The following SLC16A7 variants were observed in gnomAD, a reference collection of about 807,000 sequenced individuals.
SLC16A7 encodes solute carrier family 16 member 7, also known as monocarboxylate transporter 2.
SLC16A7 carries 33 observed loss-of-function variants against 34.9 expected under a neutral mutation model. That is an observed-to-expected ratio of 0.94 (90% CI 0.72 to 1.26). The LOEUF (loss-of-function observed/expected upper bound fraction) is 1.26. Among genes scored for constraint, SLC16A7 ranks in the 50% most tolerant of loss-of-function variants. SLC16A7 has a pLI of 0.00. For missense variants in SLC16A7, 573 were observed against 578.1 expected, an observed-to-expected ratio of 0.99 and a Z score of 0.09; for synonymous variants, 201 against 206.6, an observed-to-expected ratio of 0.97 and a Z score of 0.23.
At chr12:59,599,497 AAAAG>A in intron 1 of SLC16A7, among the ~76,000 whole-genome samples, 1 of 152,330 alleles carries the variant, frequency 6.6e-6, no homozygotes, top group East Asian at 1.9e-4. Context: ...CCAGGAAAAA[AAAAG>A]AAGGAAGAAA....
At chr12:59,771,918 G>A (rs1334372046) in intron 4 of SLC16A7, among the ~76,000 whole-genome samples, 1 of 152,092 alleles carries the variant, frequency 6.6e-6, no homozygotes, top group African/African-American at 2.4e-5. Context: ...AAAGCTCAGT[G>A]AGCCACACTT....
chr12:59,722,546 A>G (rs1875732585), intron 3 of SLC16A7, among the ~76,000 whole-genome samples: 1 of 151,410 alleles, frequency 6.6e-6, no homozygotes, highest in Admixed American at 6.6e-5. Flanking sequence ...CCTTTTGCTC[A>G]CTCTGCTTTA....
At chr12:59,731,723 A>C (rs1876974717) in intron 3 of SLC16A7, among the ~76,000 whole-genome samples, 1 of 152,190 alleles carries the variant, frequency 6.6e-6, no homozygotes, top group Non-Finnish European at 1.5e-5. Context: ...CATTTGGCCC[A>C]CACCAACAAG....
intron 2 of SLC16A7, among the ~76,000 whole-genome samples, chr12:59,700,184 T>C (rs1872719995): frequency 6.6e-6 from 1 of 151,740 alleles, no homozygotes; most frequent in East Asian, 1.9e-4. Context: ...AGGTTTTGTA[T>C]TGATTGGTTG....
chr12:59,789,496 A>G lies in SLC16A7; in HGVS notation c.*9817A>G, dbSNP rs1204602624. 6.6e-6 allele frequency: 1 copy of G among 152,162 alleles called. No individual in the cohort carries two copies. Among genetic ancestry groups the G allele is most frequent in the African/African-American group, 2.4e-5 (1 of 41,446 alleles). The allele number at this position is 152,162 out of a possible 1,614,324, so 9.4% of individuals were successfully genotyped here. ...ATTTAAGCTTCCTGGAAATGTCGAC[A>G]ATCATTTTAATGACCAAAGGTGCTA... On this transcript the variant is annotated 3_prime_UTR_variant, in exon 6 of 6. Transcript: ENST00000547379.
intron 3 of SLC16A7, among the ~76,000 whole-genome samples, chr12:59,755,036 G>A (rs370443894): frequency 6.6e-6 from 1 of 152,178 alleles, no homozygotes; most frequent in African/African-American, 2.4e-5. Flanking sequence ...ATGTAGAAAA[G>A]GCCTTTGACA....
At chr12:59,611,919 G>A (rs1879212174) in intron 1 of SLC16A7, among the ~76,000 whole-genome samples, 1 of 152,212 alleles carries the variant, frequency 6.6e-6, no homozygotes, top group African/African-American at 2.4e-5. Flanking sequence ...CTCACCTGTG[G>A]CTTTGCAGGA....
rs1883321589 is a variant in SLC16A7 at position 59,782,567 on chromosome 12, G to A, written c.*2888G>A. On this transcript the variant is annotated 3_prime_UTR_variant, in exon 6 of 6. Coordinates refer to ENST00000547379, the MANE Select transcript of SLC16A7 (RefSeq NM_001270623.2). Reference sequence around the variant, plus strand: ...CCACTAATCTCTATTCCCACATTATGAAATTGTACAGAAGAAAGGGTGTCA... The same window carrying A: ...CCACTAATCTCTATTCCCACATTATAAAATTGTACAGAAGAAAGGGTGTCA... The A allele has an allele frequency of 6.6e-6, 1 of 152,150 alleles. No individual in the cohort carries two copies. The highest frequency in any genetic ancestry group is 2.4e-5 in the African/African-American group (1 of 41,442). 9.4% of individuals were successfully genotyped at this position (152,150 alleles called of 1,614,324 possible).
intron 1 of SLC16A7, among the ~76,000 whole-genome samples, chr12:59,626,151 A>G (rs896639488): frequency 6.6e-6 from 1 of 151,844 alleles, no homozygotes; most frequent in African/African-American, 2.4e-5. Flanking sequence ...TATAGAAAAT[A>G]ATCTTAATTT....
intron 3 of SLC16A7, among the ~76,000 whole-genome samples, chr12:59,758,643 A>T (rs982215338): frequency 3.3e-5 from 5 of 152,142 alleles, no homozygotes; most frequent in Non-Finnish European, 5.9e-5. Flanking sequence ...GTTTATATGT[A>T]CATAATATGT....
rs1455609728 is a variant in SLC16A7 at position 59,788,879 on chromosome 12, T to C, written c.*9200T>C. The C allele has an allele frequency of 6.6e-6, 1 of 152,130 alleles. No individual in the cohort carries two copies. The highest frequency in any genetic ancestry group is 2.4e-5 in the African/African-American group (1 of 41,460). 9.4% of individuals were successfully genotyped at this position (152,130 alleles called of 1,614,324 possible). On this transcript the variant is annotated 3_prime_UTR_variant, in exon 6 of 6. Coordinates refer to ENST00000547379, the MANE Select transcript of SLC16A7 (RefSeq NM_001270623.2). ...TACGTTGTTGATCATTTTTAAAGTATATTTTGTTCAAATATTCCTAATTTG... is the reference window on the plus strand; with the variant it reads ...TACGTTGTTGATCATTTTTAAAGTACATTTTGTTCAAATATTCCTAATTTG...
intron 3 of SLC16A7, among the ~76,000 whole-genome samples, chr12:59,714,630 T>C (rs1874673711): frequency 6.6e-6 from 1 of 151,950 alleles, no homozygotes; most frequent in Non-Finnish European, 1.5e-5. Flanking sequence ...AGTGGCACGA[T>C]CTAGGCTCAC....
intron 1 of SLC16A7, among the ~76,000 whole-genome samples, chr12:59,642,899 A>G (rs1318176069): frequency 6.6e-6 from 1 of 152,116 alleles, no homozygotes; most frequent in African/African-American, 2.4e-5. Flanking sequence ...GAAAAACCTT[A>G]TAATAATTGG....
chr12:59,659,074 C>T (rs997791616), intron 2 of SLC16A7, among the ~76,000 whole-genome samples: 5 of 151,950 alleles, frequency 3.3e-5, no homozygotes, highest in African/African-American at 1.2e-4. Flanking sequence ...TATTTTGCCT[C>T]GTACCTTTAG....
intron 5 of SLC16A7, among the ~76,000 whole-genome samples, chr12:59,777,499 T>G (rs1354789774): frequency 6.6e-6 from 1 of 152,146 alleles, no homozygotes; most frequent in Non-Finnish European, 1.5e-5. Flanking sequence ...TTTTTCAGAC[T>G]GAACTTTCAC....
intron 3 of SLC16A7, chr12:59,719,602 A>G (rs1251544422): frequency 6.6e-6 from 1 of 152,376 alleles, no homozygotes; most frequent in Non-Finnish European, 1.5e-5. Context: ...TATATATTTT[A>G]TATCAATCTG....
At chr12:59,754,802 C>CA (rs1190435472) in intron 3 of SLC16A7, among the ~76,000 whole-genome samples, 1 of 151,870 alleles carries the variant, frequency 6.6e-6, no homozygotes, top group African/African-American at 2.4e-5. Context: ...GAGACACAAC[C>CA]AAAAAAGAGA....
At chr12:59,735,832 A>G (rs1363957123) in intron 3 of SLC16A7, 2 of 369,756 alleles carry the variant, frequency 5.4e-6, no homozygotes, top group African/African-American at 4.4e-5. Context: ...ATTTTATGTT[A>G]TGAAGATTGC....
chr12:59,665,739 T>A (rs1421500329), intron 2 of SLC16A7, among the ~76,000 whole-genome samples: 2 of 151,198 alleles, frequency 1.3e-5, no homozygotes, highest in African/African-American at 4.9e-5. Flanking sequence ...TTACAGGAAT[T>A]TATATATATA....
Sources: gnomAD v4.1 joint callset for allele counts (sites outside exome capture counted in the v4.1 genomes callset) on GRCh38, gnomAD v4.1.1 for gene constraint, MANE v1.5 for transcripts, NCBI Gene and HGNC (gene_info 2026-07-23, HGNC 2026-07-21) for gene names.